The following FFAR1 variants were observed in gnomAD, a reference collection of about 807,000 sequenced individuals.
FFAR1 encodes G-protein coupled receptor 40.
For missense variants in FFAR1, 424 were observed against 396.2 expected (o/e 1.07, Z -0.60); for synonymous variants, 216 against 201.5 (o/e 1.07, Z -0.61).
At chr19:35,350,287 C>T (rs1443762263), upstream of FFAR1, among the ~76,000 whole-genome samples, 1 of 152,210 alleles carries the variant, frequency 6.6e-6, no homozygotes, top group Non-Finnish European at 1.5e-5. Context: ...GGGCCCTCCT[C>T]GCAAAAACTA....
upstream of FFAR1, among the ~76,000 whole-genome samples, chr19:35,350,679 G>A (rs34359218): frequency 1.4e-4 from 21 of 152,268 alleles, no homozygotes; most frequent in East Asian, 3.1e-3. Flanking sequence ...ACCTCCAGCC[G>A]GGATGCCCCA....
At chr19:35,348,531 G>A (rs1421613558), upstream of FFAR1, among the ~76,000 whole-genome samples, 4 of 152,286 alleles carry the variant, frequency 2.6e-5, no homozygotes, top group Non-Finnish European at 5.9e-5. Flanking sequence ...CCTGGGAGGC[G>A]GAGGTAGCGG....
chr19:35,351,512 G>C (rs1193617806), upstream of FFAR1: 1 of 1,533,606 alleles, frequency 6.5e-7, no homozygotes, highest in African/African-American at 1.4e-5. Flanking sequence ...CAGGGAGCCA[G>C]GTTGCACACA....
exon 1 of FFAR1, chr19:35,351,828 G>A (rs762954324): frequency 6.2e-7 from 1 of 1,610,184 alleles, no homozygotes; most frequent in Admixed American, 1.7e-5. Flanking sequence ...ACTCTATGCC[G>A]GCGGGGGCTT....
exon 1 of FFAR1, chr19:35,352,214 G>T: frequency 6.3e-7 from 1 of 1,585,322 alleles, no homozygotes; most frequent in Admixed American, 1.8e-5. Context: ...GGAAGCTGCG[G>T]GCCGCCTGGG....
exon 1 of FFAR1, chr19:35,352,096 C>A: frequency 6.2e-7 from 1 of 1,612,684 alleles, no homozygotes; most frequent in Non-Finnish European, 8.5e-7. Flanking sequence ...GCCGGCCCGG[C>A]CCGCTTCAGC....
chr19:35,351,072 G>A (rs189018229), upstream of FFAR1, among the ~76,000 whole-genome samples: 357 of 152,270 alleles, frequency 2.3e-3, 1 homozygote, highest in Non-Finnish European at 3.2e-3. Flanking sequence ...TGGGTGGGGG[G>A]TGGGGGCAGC....
exon 1 of FFAR1, chr19:35,351,654 C>G (rs759823354): frequency 9.0e-6 from 14 of 1,550,346 alleles, no homozygotes; most frequent in African/African-American, 4.1e-5. Context: ...GGCCCACGCC[C>G]GGCTCCGTCT....
At chr19:35,351,015 C>T (rs2066941999), upstream of FFAR1, among the ~76,000 whole-genome samples, 1 of 152,148 alleles carries the variant, frequency 6.6e-6, no homozygotes, top group Non-Finnish European at 1.5e-5. Flanking sequence ...ACACCCTCAC[C>T]TTATCCACAC....
rs181336540 is a variant in FFAR1 at position 35,352,151 on chromosome 19, C to T, written c.600C>T (p.Phe200=). ...TTCTGCCCTTGGCCATCACAGCCTTCTGCTACGTGGGCTGCCTCCGGGCAC... is the reference window on the plus strand; with the variant it reads ...TTCTGCCCTTGGCCATCACAGCCTTTTGCTACGTGGGCTGCCTCCGGGCAC... The change falls in exon 1 of 1, where the codon TTC becomes TTT. Residue 200 remains phenylalanine, a synonymous_variant. Transcript: ENST00000246553. 1.4e-5 allele frequency: 22 copies of T among 1,610,286 alleles called. No homozygotes were observed. The African/African-American group carries it at 2.9e-4, about 21-fold the overall frequency.
chr19:35,351,741 G>A, exon 1 of FFAR1: 4 of 1,563,794 alleles, frequency 2.6e-6, no homozygotes, highest in African/African-American at 1.4e-5. Context: ...CCTGAAGGCG[G>A]TGGAGGCGCT....
At chr19:35,351,557 C>G in exon 1 of FFAR1, 1 of 1,540,202 alleles carries the variant, frequency 6.5e-7, no homozygotes, top group Non-Finnish European at 8.7e-7. Context: ...GCCCCATGGA[C>G]CTGCCCCCGC....
At chr19:35,351,706 A>C in exon 1 of FFAR1, 1 of 1,564,844 alleles carries the variant, frequency 6.4e-7, no homozygotes, top group Non-Finnish European at 8.6e-7. Context: ...GGCTGCTCCG[A>C]CCTGCTGCTG....
At chr19:35,353,394 T>C (rs2066953477) in exon 1 of FFAR1, 1 of 152,148 alleles carries the variant, frequency 6.6e-6, no homozygotes, top group South Asian at 2.1e-4. Flanking sequence ...GGGTCTGAGG[T>C]GGGAGGATCC....
At chr19:35,350,600 C>A (rs991664404), upstream of FFAR1, among the ~76,000 whole-genome samples, 1 of 152,152 alleles carries the variant, frequency 6.6e-6, no homozygotes, top group Non-Finnish European at 1.5e-5. Flanking sequence ...CAGACAGGAC[C>A]CCAATTCCTC....
exon 1 of FFAR1, chr19:35,352,412 A>C (rs2066949783): frequency 1.3e-6 from 2 of 1,555,024 alleles, no homozygotes; most frequent in African/African-American, 1.4e-5. Context: ...GCCTGAAGAC[A>C]GTGTGTGCGG....
chr19:35,351,639 G>A lies in FFAR1; in HGVS notation c.88G>A (p.Ala30Thr), dbSNP rs867765877. 3.9e-6 allele frequency: 6 copies of A among 1,546,174 alleles called. No individual in the cohort carries two copies. The African/African-American group carries it at 4.1e-5, about 11-fold the overall frequency. Reference sequence around the variant, plus strand: ...GCTCAACGTCCTGGCCATCCGAGGCGCGACGGCCCACGCCCGGCTCCGTCT... The same window carrying A: ...GCTCAACGTCCTGGCCATCCGAGGCACGACGGCCCACGCCCGGCTCCGTCT... The change falls in exon 1 of 1, where the codon GCG becomes ACG. Residue 30 changes from alanine (A) to threonine (T), a missense_variant. Transcript: ENST00000246553.
At chr19:35,352,179 G>T in exon 1 of FFAR1, 1 of 1,606,526 alleles carries the variant, frequency 6.2e-7, no homozygotes, top group Non-Finnish European at 8.5e-7. Flanking sequence ...CCGGGCACTG[G>T]CCCGCTCCGG....
rs1450738762 is a variant in FFAR1 at position 35,351,609 on chromosome 19, T to G, written c.58T>G (p.Phe20Val). 4 of 1,542,068 alleles carry G rather than the reference T, an allele frequency of 2.6e-6. No homozygotes were observed. In the South Asian group the frequency reaches 4.8e-5, roughly 18 times the overall value. The change falls in exon 1 of 1, where the codon TTC (phenylalanine) becomes GTC (valine). Residue 20 changes from phenylalanine (F) to valine (V), a missense_variant. Coordinates refer to ENST00000246553, the Ensembl canonical transcript of FFAR1. ...CTATGTGGCCGCCTTTGCGCTGGGC[T>G]TCCCGCTCAACGTCCTGGCCATCCG...
Sources: allele counts gnomAD v4.1 joint callset (sites outside exome capture counted in the v4.1 genomes callset), GRCh38; gene constraint gnomAD v4.1.1; transcripts MANE v1.5; gene names NCBI Gene and HGNC (gene_info 2026-07-23, HGNC 2026-07-21).